The following SPAG1 variants were observed in gnomAD, a reference collection of about 807,000 sequenced individuals.
SPAG1 encodes sperm associated antigen 1.
Under a neutral mutation model 100.5 loss-of-function variants are expected in SPAG1, and 69 were observed. The ratio of observed to expected loss-of-function variants is 0.69; its 90% CI spans 0.57 to 0.84. The LOEUF is 0.84. Among genes scored for constraint, SPAG1 ranks in the 40% least tolerant of loss-of-function variants. The pLI, the probability that SPAG1 is intolerant of heterozygous loss-of-function variation, is 0.00. For missense variants in SPAG1, 955 were observed against 1,133.1 expected, an observed-to-expected ratio of 0.84 and a Z score of 2.26; for synonymous variants, 336 against 411.6, an observed-to-expected ratio of 0.82 and a Z score of 2.22.
intron 3 of SPAG1, among the ~76,000 whole-genome samples, chr8:100,171,938 G>A (rs2514696): frequency 0.35 from 52,479 of 151,286 alleles, 9,401 homozygotes; most frequent in East Asian, 0.51. Context: ...TCTATCGCCC[G>A]GGCTAGAGCG....
intron 14 of SPAG1, among the ~76,000 whole-genome samples, chr8:100,226,329 C>T (rs911343427): frequency 2.0e-5 from 3 of 152,092 alleles, no homozygotes; most frequent in African/African-American, 7.2e-5. Flanking sequence ...AAATGTCTCA[C>T]AAGGAGGTTG....
intron 3 of SPAG1, among the ~76,000 whole-genome samples, chr8:100,174,762 A>G (rs1015813178): frequency 1.3e-5 from 2 of 152,204 alleles, no homozygotes; most frequent in African/African-American, 4.8e-5. Flanking sequence ...ACTTACCTTC[A>G]TGAAGTCATC....
intron 3 of SPAG1, among the ~76,000 whole-genome samples, chr8:100,169,570 C>G (rs917756000): frequency 6.6e-6 from 1 of 152,198 alleles, no homozygotes; most frequent in African/African-American, 2.4e-5. Context: ...AAAACCCCAT[C>G]TCTACTAAAT....
intron 13 of SPAG1, among the ~76,000 whole-genome samples, chr8:100,222,011 T>C (rs1818304176): frequency 1.3e-5 from 2 of 152,214 alleles, no homozygotes; most frequent in Admixed American, 6.5e-5. Flanking sequence ...GTCTTGAACC[T>C]CTGGCACCCA....
chr8:100,197,655 C>A (rs530757990), intron 10 of SPAG1, among the ~76,000 whole-genome samples: 1 of 152,270 alleles, frequency 6.6e-6, no homozygotes, highest in South Asian at 2.1e-4. Flanking sequence ...AAAGAATTCC[C>A]AGTCATTATG....
At chr8:100,212,104 A>G (rs1817741397) in intron 10 of SPAG1, among the ~76,000 whole-genome samples, 1 of 152,178 alleles carries the variant, frequency 6.6e-6, no homozygotes, top group African/African-American at 2.4e-5. Flanking sequence ...TCCAAATTGG[A>G]TGTTATTCTG....
rs1426118941 is a variant in SPAG1 at position 100,212,940 on chromosome 8, G to T, written c.1097-150G>T. 8.8e-6 allele frequency: 5 copies of T among 566,596 alleles called. No individual in the cohort carries two copies. The East Asian group carries it at 1.9e-4, about 22-fold the overall frequency. The allele number at this position is 566,596 out of a possible 1,614,324, so 35.1% of individuals were successfully genotyped here. A position where few individuals can be genotyped will look rare whatever the true frequency, so the allele number is the denominator to read the frequency against. On this transcript the variant is annotated intron_variant, in intron 10 of 18. Coordinates refer to ENST00000388798, the MANE Select transcript of SPAG1 (RefSeq NM_003114.5). ...TGGGCCGACTGGCTCTAGAGGTCCG[G>T]CAGCACAGGCTCCGCCCGCAGGGGC...
At position 100,175,429 on chromosome 8, in the gene SPAG1, C is replaced by T. The variant is rs550303345; in HGVS notation, c.301-2387C>T. On this transcript the variant is annotated intron_variant, in intron 3 of 18. Transcript: ENST00000388798. ...CCTCCCGAGTAGCTGGGACTACAGG[C>T]GCCCACCACCATGCCTGACTAATTT... Among the ~76,000 whole-genome samples the T allele has an allele frequency of 2.7e-3, 407 of 151,922 alleles. 1 individual carries two copies. Among genetic ancestry groups the T allele is most frequent in the Non-Finnish European group, 4.7e-3 (319 of 67,950 alleles).
chr8:100,213,036 G>GGCCTCCGCT, intron 10 of SPAG1, 54 bp from the exon 11 acceptor site: 2 of 1,351,152 alleles, frequency 1.5e-6, no homozygotes, highest in South Asian at 1.6e-5. Flanking sequence ...CGGCCTCCGC[G>GGCCTCCGCT]GCAACTGCTC....
At position 100,179,002 on chromosome 8, in the gene SPAG1, C is replaced by T. The variant is rs371415803; in HGVS notation, c.426+1061C>T. On this transcript the variant is annotated intron_variant, in intron 4 of 18. Coordinates refer to ENST00000388798, the MANE Select transcript of SPAG1 (RefSeq NM_003114.5). ...CTCAGCTTCCTGGGAGGCTGAGGCACGAGAATTGCTTGAACCCAGGAGATG... is the reference window on the plus strand; with the variant it reads ...CTCAGCTTCCTGGGAGGCTGAGGCATGAGAATTGCTTGAACCCAGGAGATG... Among the ~76,000 whole-genome samples, 19 of 146,626 alleles carry T rather than the reference C, an allele frequency of 1.3e-4. 1 individual carries two copies. Among genetic ancestry groups the T allele is most frequent in the African/African-American group, 1.8e-4 (7 of 39,466 alleles).
At chr8:100,209,037 G>A (rs1401957101) in intron 10 of SPAG1, among the ~76,000 whole-genome samples, 1 of 152,132 alleles carries the variant, frequency 6.6e-6, no homozygotes, top group African/African-American at 2.4e-5. Context: ...GGGGAAGGCA[G>A]ATCCACCCTT....
intron 1 of SPAG1, among the ~76,000 whole-genome samples, chr8:100,162,078 C>T (rs1307701238): frequency 6.6e-6 from 1 of 152,176 alleles, no homozygotes; most frequent in Non-Finnish European, 1.5e-5. Context: ...CCCATAATCC[C>T]AGCACTCTGG....
intron 8 of SPAG1, among the ~76,000 whole-genome samples, chr8:100,190,523 CCTAA>C (rs1003904607): frequency 4.0e-5 from 6 of 151,654 alleles, no homozygotes; most frequent in African/African-American, 4.8e-5. Context: ...TAATTTCTGA[CCTAA>C]CTGACTTAAT....
At chr8:100,186,976 A>T in intron 7 of SPAG1, 144 bp from the exon 8 acceptor site, 1 of 588,324 alleles carries the variant, frequency 1.7e-6, no homozygotes, top group Non-Finnish European at 2.8e-6. Context: ...CTGTGGGGTT[A>T]GGACTTCAAC....
chr8:100,213,133 C>T lies in SPAG1; in HGVS notation c.1140C>T (p.Cys380=). ...PAGAARAAQP[C]VMGNIQKKLT... ...GAGCCGCGCGCGCCGCCCAGCCGTG[C>T]GTCATGGGCAACATCCAGAAGAAGC... Residue 380 remains cysteine, a synonymous_variant, in exon 11 of 19, where the codon TGC becomes TGT. Transcript: ENST00000388798. 6.7e-7 allele frequency: 1 copy of T among 1,484,568 alleles called. No homozygotes were observed. The highest frequency in any genetic ancestry group is 8.9e-7 in the Non-Finnish European group (1 of 1,124,478). 92.0% of individuals were successfully genotyped at this position (1,484,568 alleles called of 1,614,324 possible).
intron 4 of SPAG1, among the ~76,000 whole-genome samples, chr8:100,182,349 C>G (rs1205808857): frequency 6.6e-6 from 1 of 152,168 alleles, no homozygotes; most frequent in Non-Finnish European, 1.5e-5. Flanking sequence ...CCCAAGCTAG[C>G]CAATCAGTCC....
rs186013158 is a variant in SPAG1, at chr8:100,211,065, A to C, written c.1097-2025A>C. On this transcript the variant is annotated intron_variant, in intron 10 of 18. Coordinates refer to ENST00000388798, the MANE Select transcript of SPAG1 (RefSeq NM_003114.5). ...GTGGTCTCGAACTCCTGACCTTGTG[A>C]TCTGCCTGCCTCAGCTTCCTAAAGT... Among the ~76,000 whole-genome samples, 643 of 152,106 alleles carry C rather than the reference A, an allele frequency of 4.2e-3. 6 individuals are homozygous for C. Among genetic ancestry groups the C allele is most frequent in the African/African-American group, 0.014 (597 of 41,486 alleles).
intron 14 of SPAG1, among the ~76,000 whole-genome samples, chr8:100,225,597 T>G (rs1325563193): frequency 6.6e-6 from 1 of 150,884 alleles, no homozygotes; most frequent in Non-Finnish European, 1.5e-5. Flanking sequence ...TAGCTGGGAT[T>G]ACAGGCATGT....
At chr8:100,231,725 C>T (rs917633740) in intron 15 of SPAG1, among the ~76,000 whole-genome samples, 2 of 152,104 alleles carry the variant, frequency 1.3e-5, no homozygotes, top group East Asian at 1.9e-4. Context: ...TTTGGGAGGC[C>T]GAGGCGGGTG....
Sources: allele counts gnomAD v4.1 joint callset (sites outside exome capture counted in the v4.1 genomes callset), GRCh38; gene constraint gnomAD v4.1.1; transcripts MANE v1.5; gene names NCBI Gene and HGNC (gene_info 2026-07-23, HGNC 2026-07-21).